MAP3K19: variants seen among roughly 807,000 people sequenced by gnomAD.
MAP3K19 encodes the protein SPS1/STE20-related protein kinase YSK4.
A neutral mutation model predicts 114.4 loss-of-function variants in MAP3K19; 91 were observed. That is an observed-to-expected ratio of 0.80 (90% CI 0.67 to 0.95). MAP3K19 has a LOEUF of 0.95. Among genes scored for constraint, MAP3K19 ranks in the 40% least tolerant of loss-of-function variants. MAP3K19 has a pLI of 0.00. For missense variants in MAP3K19, 1,471 were observed against 1,573.2 expected (o/e 0.94, Z 1.10); for synonymous variants, 518 against 530.5 (o/e 0.98, Z 0.32).
intron 5 of MAP3K19, among the ~76,000 whole-genome samples, chr2:135,013,925 T>C (rs1278245915): frequency 6.6e-6 from 1 of 152,252 alleles, no homozygotes; most frequent in African/African-American, 2.4e-5. Context: ...ACTTTTTCAA[T>C]TTAATAGAGC....
chr2:135,023,623 G>A (rs553022863), intron 4 of MAP3K19: 10 of 489,942 alleles, frequency 2.0e-5, no homozygotes, highest in East Asian at 6.1e-5. Context: ...CTGTGTCTCC[G>A]CTGTCAACAT....
At chr2:135,001,845 T>C (rs1686466441) in intron 6 of MAP3K19, among the ~76,000 whole-genome samples, 1 of 152,218 alleles carries the variant, frequency 6.6e-6, no homozygotes, top group African/African-American at 2.4e-5. Context: ...AGCTGACTTC[T>C]TTTTCAAACC....
At chr2:135,037,322 G>T (rs2104794909) in intron 2 of MAP3K19, among the ~76,000 whole-genome samples, 1 of 152,322 alleles carries the variant, frequency 6.6e-6, no homozygotes, top group Middle Eastern at 3.4e-3. Context: ...GATGGTTTAT[G>T]TGATTTGTTC....
In MAP3K19 at chr2:134,977,185, CT is replaced by C. The variant is rs113967823; in HGVS notation, c.3920+3635del. 5.3e-3 allele frequency among the ~76,000 whole-genome samples: 756 copies of C among 141,594 alleles called. 7 individuals carry two copies. The highest frequency in any genetic ancestry group is 0.031 in the East Asian group (154 of 4,918). The allele number at this position is 141,594 out of a possible 152,430, so 92.9% of individuals were successfully genotyped here. A position where few individuals can be genotyped will look rare whatever the true frequency, so the allele number is the denominator to read the frequency against. On this transcript the variant is annotated intron_variant, in intron 12 of 12. Coordinates refer to ENST00000392915, the MANE Select transcript of MAP3K19 (RefSeq NM_025052.5). ...CTAGCTACCACCGCTCCCCCACCCA[CT>C]TTTTTTTTTTTTTGAGACAGGGTCT...
chr2:134,968,586 TCTC>T (rs1683594188), intron 12 of MAP3K19, among the ~76,000 whole-genome samples: 1 of 150,010 alleles, frequency 6.7e-6, no homozygotes, highest in South Asian at 2.1e-4. Flanking sequence ...GCTCCTCACT[TCTC>T]AGACGGGGCG....
At position 134,982,393 on chromosome 2, in the gene MAP3K19, C is replaced by G. The variant is rs563897272; in HGVS notation, c.3223-875G>C. On this transcript the variant is annotated intron_variant, in intron 11 of 12. Transcript: ENST00000392915. ...TGGAGACAGGGTCTCGCTCTGTCGC[C>G]CAGGCTGGAGTGCAGTGGTGTGATC... 6.0e-5 allele frequency among the ~76,000 whole-genome samples: 9 copies of G among 150,340 alleles called. No homozygotes were observed. The East Asian group carries it at 1.6e-3, about 26-fold the overall frequency.
chr2:134,978,004 G>A (rs1655837060), intron 12 of MAP3K19, among the ~76,000 whole-genome samples: 1 of 152,010 alleles, frequency 6.6e-6, no homozygotes, highest in African/African-American at 2.4e-5. Context: ...TAGACTTAGG[G>A]ACACTCTGTC....
chr2:135,034,308 C>T lies in MAP3K19; in HGVS notation c.-283-3808G>A, dbSNP rs1368895916. Among the ~76,000 whole-genome samples, 6 of 127,908 alleles carry T rather than the reference C, an allele frequency of 4.7e-5. 1 individual carries two copies. Among genetic ancestry groups the T allele is most frequent in the African/African-American group, 1.5e-4 (4 of 27,172 alleles). 83.9% of individuals were successfully genotyped at this position (127,908 alleles called of 152,430 possible). ...ACGGGATGGCGGCCGGGAAGAGGCA[C>T]TCCTCACTTTCCAGACTGGGCAGCC... On this transcript the variant is annotated intron_variant, in intron 2 of 12. Transcript: ENST00000392915.
intron 6 of MAP3K19, among the ~76,000 whole-genome samples, chr2:135,002,804 T>C (rs1686539880): frequency 6.6e-6 from 1 of 152,082 alleles, no homozygotes. Context: ...ATGGCAGACG[T>C]GGCATGATTT....
At chr2:134,991,247 G>GC in intron 9 of MAP3K19, 1 of 343,884 alleles carries the variant, frequency 2.9e-6, no homozygotes, top group East Asian at 6.4e-5. Context: ...CTTGCAGTGA[G>GC]CCGAGATTGC....
At chr2:135,023,216 GCTTTGTAATCT>G in intron 4 of MAP3K19, 1 of 333,222 alleles carries the variant, frequency 3.0e-6, no homozygotes, top group South Asian at 2.4e-5. Flanking sequence ...TACCACATCT[GCTTTGTAATCT>G]CTTTTCCAAT....
At chr2:135,037,416 G>A (rs4954215) in intron 2 of MAP3K19, among the ~76,000 whole-genome samples, 40,346 of 152,022 alleles carry the variant, frequency 0.27, 7,221 homozygotes, top group African/African-American at 0.49. Flanking sequence ...GAGTTCTGTT[G>A]ACAGTAGCTT....
rs75235494 is a variant in MAP3K19, at chr2:135,011,778, G to A, written c.139-6247C>T. Among the ~76,000 whole-genome samples the A allele has an allele frequency of 1.4e-4, 22 of 152,116 alleles. No individual in the cohort carries two copies. The East Asian group carries it at 4.3e-3, about 29-fold the overall frequency. ...GCTCACTGTAACTTTGAACTCCTGG[G>A]CTTGAATGATCCTGTTGCCTCAGCC... On this transcript the variant is annotated intron_variant, in intron 5 of 12. Transcript: ENST00000392915.
chr2:134,973,279 A>G (rs1683999173), intron 12 of MAP3K19, among the ~76,000 whole-genome samples: 1 of 152,206 alleles, frequency 6.6e-6, no homozygotes, highest in Admixed American at 6.5e-5. Flanking sequence ...TTCAGATCTA[A>G]TAATATTTGC....
intron 6 of MAP3K19, among the ~76,000 whole-genome samples, chr2:135,004,025 C>T (rs998051845): frequency 6.6e-6 from 1 of 152,218 alleles, no homozygotes; most frequent in Non-Finnish European, 1.5e-5. Flanking sequence ...AAATGTGTAA[C>T]TCAAGTTGTT....
intron 2 of MAP3K19, among the ~76,000 whole-genome samples, chr2:135,038,625 G>T (rs565961757): frequency 1.3e-5 from 2 of 152,004 alleles, no homozygotes; most frequent in Non-Finnish European, 2.9e-5. Flanking sequence ...TGGCCAAGGT[G>T]GGTGGATTGC....
chr2:134,997,705 G>A (rs2105283855), intron 8 of MAP3K19, among the ~76,000 whole-genome samples: 1 of 151,924 alleles, frequency 6.6e-6, no homozygotes, highest in South Asian at 2.1e-4. Context: ...TGTAGTCCCA[G>A]CTACTTGGGA....
At chr2:134,968,725 G>A (rs1297352401) in intron 12 of MAP3K19, among the ~76,000 whole-genome samples, 2 of 150,808 alleles carry the variant, frequency 1.3e-5, no homozygotes, top group Non-Finnish European at 2.9e-5. Flanking sequence ...CGGCAGGGCA[G>A]AGGCGGTCCC....
At chr2:134,998,171 A>G (rs1172017559) in intron 8 of MAP3K19, among the ~76,000 whole-genome samples, 1 of 152,162 alleles carries the variant, frequency 6.6e-6, no homozygotes, top group Non-Finnish European at 1.5e-5. Context: ...GGGATCCAGG[A>G]ATAAGGCTAA....
Sources: gnomAD v4.1 joint callset for allele counts (sites outside exome capture counted in the v4.1 genomes callset) on GRCh38, gnomAD v4.1.1 for gene constraint, MANE v1.5 for transcripts, NCBI Gene and HGNC (gene_info 2026-07-23, HGNC 2026-07-21) for gene names.